The following PSD3 variants were observed in gnomAD, a reference collection of about 807,000 sequenced individuals.
PSD3 encodes the protein PH and SEC7 domain-containing protein 3.
A neutral mutation model predicts 105.5 loss-of-function variants in PSD3; 49 were observed. The observed-to-expected ratio is 0.46, with a 90% CI of 0.37 to 0.59. PSD3 has a LOEUF of 0.59. Among genes scored for constraint, PSD3 ranks in the 20% least tolerant of loss-of-function variants. The probability of loss-of-function intolerance (pLI) is 0.00; values close to 1 mark genes in which losing one functional copy is unlikely to be tolerated. For synonymous variants in PSD3, 557 were observed against 457.8 expected (o/e 1.22, Z -2.77); for missense variants, 1,561 against 1,263.8 (o/e 1.24, Z -3.57).
chr8:18,837,281 C>T (rs1814193422), intron 4 of PSD3, among the ~76,000 whole-genome samples: 1 of 152,140 alleles, frequency 6.6e-6, no homozygotes, highest in African/African-American at 2.4e-5. Flanking sequence ...AGACCAGGGG[C>T]CAGCTCTCCA....
At chr8:18,953,096 C>T (rs969552337) in intron 1 of PSD3, among the ~76,000 whole-genome samples, 4 of 152,048 alleles carry the variant, frequency 2.6e-5, no homozygotes, top group African/African-American at 4.8e-5. Context: ...ATACAAATGG[C>T]GAATACACAT....
chr8:18,561,341 C>T (rs754427718), intron 14 of PSD3, among the ~76,000 whole-genome samples: 1 of 152,052 alleles, frequency 6.6e-6, no homozygotes, highest in African/African-American at 2.4e-5. Flanking sequence ...ATGGACAAAC[C>T]TGGAGGACAT....
At chr8:18,921,739 C>T (rs1821035227) in intron 2 of PSD3, among the ~76,000 whole-genome samples, 1 of 152,162 alleles carries the variant, frequency 6.6e-6, no homozygotes, top group African/African-American at 2.4e-5. Context: ...AGTATAAAGT[C>T]ATACACTATG....
chr8:18,675,063 C>T (rs1585582614), intron 9 of PSD3, among the ~76,000 whole-genome samples: 1 of 151,956 alleles, frequency 6.6e-6, no homozygotes, highest in African/African-American at 2.4e-5. Context: ...TCTGCTGGAC[C>T]TTTATCTGTC....
At chr8:18,945,120 A>C (rs1384737294) in intron 1 of PSD3, among the ~76,000 whole-genome samples, 1 of 152,146 alleles carries the variant, frequency 6.6e-6, no homozygotes, top group Non-Finnish European at 1.5e-5. Flanking sequence ...ACTGTGGTAG[A>C]CTAAATAAAG....
intron 1 of PSD3, among the ~76,000 whole-genome samples, chr8:18,999,326 C>T (rs1352513737): frequency 6.6e-6 from 1 of 151,904 alleles, no homozygotes; most frequent in East Asian, 1.9e-4. Flanking sequence ...CCCATTCATA[C>T]CTGCTGCTCA....
intron 1 of PSD3, among the ~76,000 whole-genome samples, chr8:18,968,761 A>G (rs1824443744): frequency 6.6e-6 from 1 of 151,738 alleles, no homozygotes; most frequent in South Asian, 2.1e-4. Flanking sequence ...CTGTAATCCC[A>G]GCTACTCAGG....
chr8:19,009,447 C>A (rs1233758186), intron 1 of PSD3, among the ~76,000 whole-genome samples: 1 of 152,156 alleles, frequency 6.6e-6, no homozygotes, highest in Non-Finnish European at 1.5e-5. Context: ...CCTCTCCTGA[C>A]TTCAGAATGG....
At chr8:18,855,065 C>A (rs745985062) in intron 4 of PSD3, among the ~76,000 whole-genome samples, 1 of 152,174 alleles carries the variant, frequency 6.6e-6, no homozygotes, top group Non-Finnish European at 1.5e-5. Flanking sequence ...TGTGTGTCAG[C>A]CCTAACAGGG....
chr8:18,603,446 T>C (rs1804584901), intron 11 of PSD3, among the ~76,000 whole-genome samples: 1 of 152,364 alleles, frequency 6.6e-6, no homozygotes. Context: ...CCTTTAGAAG[T>C]TCCTTTAGTG....
chr8:18,625,798 T>C (rs925260911), intron 11 of PSD3, among the ~76,000 whole-genome samples: 1 of 152,128 alleles, frequency 6.6e-6, no homozygotes, highest in Non-Finnish European at 1.5e-5. Context: ...AATAATAATA[T>C]CTGCTTTATA....
chr8:18,862,545 C>G (rs1039084426), intron 4 of PSD3, among the ~76,000 whole-genome samples: 6 of 152,092 alleles, frequency 3.9e-5, no homozygotes, highest in African/African-American at 1.4e-4. Context: ...GGCAGCAGAC[C>G]TTCCCAGCAC....
At chr8:18,946,295 G>C (rs989933739) in intron 1 of PSD3, among the ~76,000 whole-genome samples, 4 of 152,126 alleles carry the variant, frequency 2.6e-5, no homozygotes, top group African/African-American at 9.7e-5. Context: ...ATATATTTGA[G>C]GCCAGGTGCG....
At chr8:18,882,002 G>C (rs1469800113) in intron 2 of PSD3, among the ~76,000 whole-genome samples, 5 of 152,120 alleles carry the variant, frequency 3.3e-5, no homozygotes, top group Non-Finnish European at 7.3e-5. Flanking sequence ...GAGCTCAGGA[G>C]TTCAAGACCA....
At chr8:18,927,348 G>C (rs1208213998) in intron 2 of PSD3, among the ~76,000 whole-genome samples, 1 of 151,994 alleles carries the variant, frequency 6.6e-6, no homozygotes, top group South Asian at 2.1e-4. Context: ...CGAGTAGCTG[G>C]GATTACAGGT....
At chr8:18,666,077 T>A (rs1002916804) in intron 9 of PSD3, among the ~76,000 whole-genome samples, 3 of 151,970 alleles carry the variant, frequency 2.0e-5, no homozygotes, top group East Asian at 3.9e-4. Flanking sequence ...TTTGAGACAG[T>A]CTTGTGTGTC....
chr8:18,565,298 T>C (rs1801666771), intron 14 of PSD3, among the ~76,000 whole-genome samples: 1 of 151,886 alleles, frequency 6.6e-6, no homozygotes, highest in African/African-American at 2.4e-5. Context: ...ATTTCTGTGT[T>C]TGGAGAGCTA....
intron 8 of PSD3, among the ~76,000 whole-genome samples, chr8:18,773,034 G>T (rs1420086260): frequency 1.3e-5 from 2 of 152,056 alleles, no homozygotes; most frequent in Non-Finnish European, 2.9e-5. Context: ...GTTTGATGTA[G>T]TCCCATTTTT....
chr8:18,636,047 T>C (rs1415267036), intron 10 of PSD3, among the ~76,000 whole-genome samples: 1 of 152,046 alleles, frequency 6.6e-6, no homozygotes, highest in Non-Finnish European at 1.5e-5. Flanking sequence ...ATCCCAGAAC[T>C]TAAAGTAAAA....
Sources: allele counts gnomAD v4.1 joint callset (sites outside exome capture counted in the v4.1 genomes callset), GRCh38; gene constraint gnomAD v4.1.1; transcripts MANE v1.5; gene names NCBI Gene and HGNC (gene_info 2026-07-23, HGNC 2026-07-21).